The following NEB variants were observed in gnomAD, a reference collection of about 807,000 sequenced individuals.
NEB encodes nebulin, also known as nemaline myopathy type 2.
In NEB, 512 loss-of-function variants were observed where a neutral mutation model predicts 952.2. That is an observed-to-expected ratio of 0.54 (90% CI 0.50 to 0.58). NEB has a LOEUF of 0.58. Among genes scored for constraint, NEB ranks in the 20% least tolerant of loss-of-function variants. The pLI is 0.00. For missense variants in NEB, 8,428 were observed against 9,231.1 expected, an observed-to-expected ratio of 0.91 and a Z score of 3.56; for synonymous variants, 2,900 against 3,149.8, an observed-to-expected ratio of 0.92 and a Z score of 2.66.
At chr2:151,699,112 G>A (rs1162802979) in intron 13 of NEB, among the ~76,000 whole-genome samples, 3 of 141,154 alleles carry the variant, frequency 2.1e-5, no homozygotes, top group African/African-American at 5.3e-5. Flanking sequence ...AATATGCGGT[G>A]TTTGGTTTTT....
At chr2:151,564,716 C>T (rs2096277160) in intron 117 of NEB, among the ~76,000 whole-genome samples, 1 of 152,100 alleles carries the variant, frequency 6.6e-6, no homozygotes, top group South Asian at 2.1e-4. Context: ...GCTATGTGCC[C>T]CCAGAGCACT....
intron 63 of NEB, among the ~76,000 whole-genome samples, chr2:151,638,063 CACAGG>C (rs1321175182): frequency 1.3e-5 from 2 of 152,176 alleles, no homozygotes; most frequent in Non-Finnish European, 2.9e-5. Flanking sequence ...GGCTTATACC[CACAGG>C]CTCAGTCTAA....
At chr2:151,612,880 T>C (rs962817954) in intron 77 of NEB, among the ~76,000 whole-genome samples, 3 of 152,218 alleles carry the variant, frequency 2.0e-5, no homozygotes, top group African/African-American at 7.2e-5. Flanking sequence ...TATGCTTCTA[T>C]GTACATGCTT....
At chr2:151,661,811 G>A (rs902182590) in intron 46 of NEB, among the ~76,000 whole-genome samples, 5 of 152,114 alleles carry the variant, frequency 3.3e-5, no homozygotes, top group African/African-American at 9.7e-5. Context: ...CTACCATCAG[G>A]AAATCTGCTG....
In NEB at chr2:151,545,870, C is replaced by T. The variant is rs1559759153; in HGVS notation, c.20577+18G>A. 1.4e-6 allele frequency: 2 copies of T among 1,469,228 alleles called. No homozygotes were observed. Among genetic ancestry groups the T allele is most frequent in the Admixed American group, 3.6e-5 (2 of 56,302 alleles). 91.0% of individuals were successfully genotyped at this position (1,469,228 alleles called of 1,614,324 possible). ...TGGTCAATTTGATTGACTTCAATGA[C>T]AAGTAAAGCGTCCTTACCTCACTCA... On this transcript the variant is annotated intron_variant, in intron 135 of 181. Transcript: ENST00000397345.
At chr2:151,668,353 T>A (rs1031513587) in intron 39 of NEB, among the ~76,000 whole-genome samples, 1 of 152,184 alleles carries the variant, frequency 6.6e-6, no homozygotes, top group Non-Finnish European at 1.5e-5. Context: ...CAGCTTTAAT[T>A]GATCTTAATG....
Position 151,526,005 on chromosome 2 carries a change from T to G in NEB, c.22114A>C (p.Thr7372Pro), listed in dbSNP as rs750642580. Residue 7372 changes from threonine (T) to proline (P), a missense_variant, in exon 150 of 182, where the codon ACC (threonine) becomes CCC (proline). Thr to Pro is a conservative substitution (Grantham distance 38). Transcript: ENST00000397345. ...AQGSYTTLPE[T>P]RDTVHVKEVT... ...TCCTTGACGTGAACAGTGTCCCGGGTCTCTGGTAGTGTTGTGTATGAGCCC... is the reference window on the plus strand; with the variant it reads ...TCCTTGACGTGAACAGTGTCCCGGGGCTCTGGTAGTGTTGTGTATGAGCCC... 1.7e-5 allele frequency: 27 copies of G among 1,613,870 alleles called. No individual in the cohort carries two copies. Among genetic ancestry groups the G allele is most frequent in the Non-Finnish European group, 2.0e-5 (24 of 1,179,888 alleles).
chr2:151,702,311 G>T (rs2099676119), intron 13 of NEB, among the ~76,000 whole-genome samples: 1 of 151,984 alleles, frequency 6.6e-6, no homozygotes, highest in African/African-American at 2.4e-5. Context: ...TGGAATAGGT[G>T]TGGTGTGGTG....
chr2:151,618,523 A>C (rs1423762586), intron 73 of NEB, 45 bp from the exon 74 acceptor site: 3 of 1,554,026 alleles, frequency 1.9e-6, no homozygotes, highest in Non-Finnish European at 2.6e-6. Context: ...TTAGTGTTTC[A>C]GATTCATAGT....
In NEB at chr2:151,618,328, T is replaced by C. The variant is rs771318349; in HGVS notation, c.11023A>G (p.Thr3675Ala). ...RPETLKFTSI[T>A]DTPEQVLAKN... ...GCCAGCACCTGCTCCGGAGTGTCCG[T>C]TATACTGGTAAATTTCAGCGTTTCT... is the stretch of plus-strand genomic sequence containing the variant. Residue 3675 changes from threonine to alanine, a missense_variant, in exon 74 of 182, where the codon ACG becomes GCG. Thr to Ala is a moderately conservative substitution (Grantham distance 58, BLOSUM62 0). Transcript: ENST00000397345. 4 of 1,613,886 alleles carry C rather than the reference T, an allele frequency of 2.5e-6. No homozygotes were observed. The highest frequency in any genetic ancestry group is 3.4e-6 in the Non-Finnish European group (4 of 1,179,878).
At chr2:151,665,673 A>G in intron 41 of NEB, 134 bp from the exon 42 acceptor site, 1 of 669,778 alleles carries the variant, frequency 1.5e-6, no homozygotes, top group Non-Finnish European at 2.3e-6. Context: ...TACTCCCTAC[A>G]GTCTTTCAGA....
In NEB at chr2:151,609,875, T is replaced by C. The variant is rs775530422; in HGVS notation, c.12264A>G (p.Glu4088=). Residue 4088 remains glutamate, a synonymous_variant, in exon 81 of 182, where the codon GAA becomes GAG. Transcript: ENST00000397345. The part of the protein sequence containing the change: ...TDIDYRNYLH[E]WTCMPDQNDI... ...CGTTTTGATCCGGCATGCATGTCCA[T>C]TCATGCAGGTAATTGCGATAATCAA... is the stretch of plus-strand genomic sequence containing the variant. The C allele has an allele frequency of 1.2e-6, 2 of 1,612,390 alleles. No individual in the cohort carries two copies. The highest frequency in any genetic ancestry group is 4.5e-5 in the East Asian group (2 of 44,834).
intron 166 of NEB, 41 bp from the exon 167 acceptor site, chr2:151,502,926 G>GGC (rs2065852570): frequency 1.6e-6 from 2 of 1,227,588 alleles, no homozygotes; most frequent in Non-Finnish European, 2.3e-6. Flanking sequence ...ATTTAAAACA[G>GGC]GCACAGAGAG....
chr2:151,544,520 C>T (rs980476406), intron 135 of NEB, among the ~76,000 whole-genome samples: 6 of 152,158 alleles, frequency 3.9e-5, no homozygotes, highest in Non-Finnish European at 7.3e-5. Context: ...ACAGGTGATT[C>T]TCATACTGAG....
chr2:151,615,747 T>C (rs2098172197), intron 76 of NEB: 2 of 348,468 alleles, frequency 5.7e-6, no homozygotes, highest in African/African-American at 4.3e-5. Context: ...AGCTCAAAAA[T>C]ATGAACCCAT....
intron 168 of NEB, among the ~76,000 whole-genome samples, chr2:151,499,995 A>G (rs1166246792): frequency 2.0e-5 from 3 of 152,228 alleles, no homozygotes; most frequent in African/African-American, 7.2e-5. Flanking sequence ...TAAGGTTTCA[A>G]ATAGATACAA....
intron 36 of NEB, among the ~76,000 whole-genome samples, chr2:151,673,732 C>CTTTTTTTTT (rs10716811): frequency 1.1e-5 from 1 of 92,846 alleles, no homozygotes; most frequent in Non-Finnish European, 2.4e-5. Flanking sequence ...TTTTCTTTTT[C>CTTTTTTTTT]TTTTTTTTTT....
chr2:151,568,111 G>C lies in NEB; in HGVS notation c.17804C>G (p.Pro5935Arg), dbSNP rs1314691829. Residue 5935 changes from proline to arginine, a missense_variant, in exon 113 of 182, where the codon CCA becomes CGA. Physicochemically the swap from Pro to Arg is moderately radical, Grantham distance 103. This residue lies in a region of NEB where 3,374 missense variants were observed against 3,651.5 expected (regional missense o/e 0.92). Transcript: ENST00000397345. The stretch of plus-strand genomic sequence containing the variant: ...ATTGCAGTGATGGGCATGAACAAAT[G>C]GCACAGCATCTGGAGGCAAAATGTA... Reference protein sequence around the residue: ...TGYILPPDAVPFVHAHHCNDV... With the variant: ...TGYILPPDAVRFVHAHHCNDV... 1.2e-6 allele frequency: 2 copies of C among 1,613,698 alleles called. No homozygotes were observed. The highest frequency in any genetic ancestry group is 4.5e-5 in the East Asian group (2 of 44,832).
In NEB at chr2:151,548,334, G is replaced by A. The variant is rs533233215; in HGVS notation, c.20131C>T (p.Arg6711Trp). The A allele has an allele frequency of 7.4e-5, 119 of 1,613,122 alleles. No individual in the cohort carries two copies. In the East Asian group the frequency reaches 1.8e-3, roughly 25 times the overall value. ...GPKDVPFVHV[R>W]RVNNVTSERL... ...TCGCTGGTAACATTGTTGACTCTCC[G>A]GACGTGGACAAATGGAACATCTTTG... The change falls in exon 131 of 182, where the codon CGG (arginine) becomes TGG (tryptophan). Residue 6711 changes from arginine to tryptophan, a missense_variant. This residue lies in a region of NEB where 3,374 missense variants were observed against 3,651.5 expected (regional missense o/e 0.92). Transcript: ENST00000397345.
Sources: allele counts gnomAD v4.1 joint callset (sites outside exome capture counted in the v4.1 genomes callset), GRCh38; gene constraint gnomAD v4.1.1; regional missense constraint gnomAD v4.1.1; transcripts MANE v1.5; gene names NCBI Gene and HGNC (gene_info 2026-07-23, HGNC 2026-07-21).